The following NALF1 variants were observed in gnomAD, a reference collection of about 807,000 sequenced individuals.
NALF1 encodes the protein NALCN channel auxiliary factor 1, also known as family with sequence similarity 155 member A.
NALF1 carries 3 observed loss-of-function variants against 48.4 expected under a neutral mutation model. That is an observed-to-expected ratio of 0.06 (90% CI 0.03 to 0.16). NALF1 has a LOEUF of 0.16. Ranked by LOEUF, NALF1 falls within the 10% of genes least tolerant of loss-of-function variation. The pLI is 1.00. For synonymous variants in NALF1, 262 were observed against 245.7 expected (o/e 1.07, Z -0.62); for missense variants, 526 against 571.5 (o/e 0.92, Z 0.81).
chr13:107,533,626 C>T (rs747328998), intron 1 of NALF1, among the ~76,000 whole-genome samples: 2 of 152,152 alleles, frequency 1.3e-5, no homozygotes, highest in Non-Finnish European at 2.9e-5. Flanking sequence ...TCTTTAATAA[C>T]TGTTCAAATT....
At chr13:107,851,805 CTTTTTT>C (rs34999908) in intron 1 of NALF1, among the ~76,000 whole-genome samples, 1 of 104,700 alleles carries the variant, frequency 9.6e-6, no homozygotes, top group Non-Finnish European at 1.9e-5. Context: ...CAGGCCCTTT[CTTTTTT>C]TTTTTTTTTT....
rs147911674 is a variant in NALF1, at chr13:107,622,202, G to A, written c.915+243480C>T. 5.5e-3 allele frequency among the ~76,000 whole-genome samples: 843 copies of A among 152,112 alleles called. 9 individuals are homozygous for A. The highest frequency in any genetic ancestry group is 0.018 in the African/African-American group (761 of 41,476). ...CCAGCACTTTGGGAGGCCAAGGCGG[G>A]CAGATCATCTAAGGTCAGGAGTTCA... On this transcript the variant is annotated intron_variant, in intron 1 of 2. Transcript: ENST00000375915.
At chr13:107,555,146 T>C (rs1453363068) in intron 1 of NALF1, among the ~76,000 whole-genome samples, 1 of 152,120 alleles carries the variant, frequency 6.6e-6, no homozygotes, top group Non-Finnish European at 1.5e-5. Context: ...TTAATTATAT[T>C]GTAATTCACC....
At chr13:107,802,248 T>C (rs925497336) in intron 1 of NALF1, among the ~76,000 whole-genome samples, 3 of 152,210 alleles carry the variant, frequency 2.0e-5, no homozygotes, top group African/African-American at 7.2e-5. Context: ...TTCACATTAC[T>C]ATAAGTTAGT....
chr13:107,772,164 C>CG (rs558558070), intron 1 of NALF1, among the ~76,000 whole-genome samples: 10 of 152,098 alleles, frequency 6.6e-5, no homozygotes, highest in Middle Eastern at 3.4e-3. Context: ...TAGGGTGGAC[C>CG]CGTCCCTCCT....
chr13:107,674,005 A>G (rs1337074326), intron 1 of NALF1, among the ~76,000 whole-genome samples: 2 of 152,110 alleles, frequency 1.3e-5, no homozygotes, highest in Non-Finnish European at 1.5e-5. Context: ...TCCAAAACAC[A>G]TTTACAGTTC....
At chr13:107,409,862 T>C (rs1335966986) in intron 1 of NALF1, among the ~76,000 whole-genome samples, 1 of 152,174 alleles carries the variant, frequency 6.6e-6, no homozygotes, top group Non-Finnish European at 1.5e-5. Context: ...ACCCTTGCCC[T>C]CATCTCTTGA....
intron 1 of NALF1, among the ~76,000 whole-genome samples, chr13:107,629,918 A>G (rs1325581889): frequency 5.3e-5 from 8 of 152,152 alleles, no homozygotes. Flanking sequence ...CTTCTGAACT[A>G]GTATCTTCGC....
intron 1 of NALF1, among the ~76,000 whole-genome samples, chr13:107,223,135 T>C (rs901289658): frequency 6.6e-6 from 1 of 152,234 alleles, no homozygotes; most frequent in African/African-American, 2.4e-5. Flanking sequence ...ACTATTTCTT[T>C]GTTCTGGTTG....
intron 1 of NALF1, among the ~76,000 whole-genome samples, chr13:107,780,005 C>T (rs1041329557): frequency 2.0e-5 from 3 of 148,718 alleles, no homozygotes; most frequent in Non-Finnish European, 4.5e-5. Flanking sequence ...ACTCTTATTA[C>T]TTTGTTCTCT....
intron 1 of NALF1, among the ~76,000 whole-genome samples, chr13:107,288,266 C>CT (rs1881539965): frequency 7.2e-6 from 1 of 139,832 alleles, no homozygotes; most frequent in Non-Finnish European, 1.5e-5. Context: ...GTCGCCCAGG[C>CT]TGGAGGGCAG....
At chr13:107,297,338 ATTTTTCT>A (rs1157005695) in intron 1 of NALF1, among the ~76,000 whole-genome samples, 3 of 152,140 alleles carry the variant, frequency 2.0e-5, no homozygotes, top group African/African-American at 7.2e-5. Context: ...AAGAAACAGT[ATTTTTCT>A]CAATTTACCA....
Position 107,648,046 on chromosome 13 carries a change from T to C in NALF1, c.915+217636A>G, listed in dbSNP as rs185970649. Among the ~76,000 whole-genome samples the C allele has an allele frequency of 1.5e-3, 235 of 152,224 alleles. 2 individuals carry two copies. The highest frequency in any genetic ancestry group is 5.2e-3 in the African/African-American group (216 of 41,534). ...GTAGTATTGTTTTTTAATCAATGAG[T>C]TACATTTTACAGATTTCAGTATACA... On this transcript the variant is annotated intron_variant, in intron 1 of 2. Coordinates refer to ENST00000375915, the MANE Select transcript of NALF1 (RefSeq NM_001080396.3).
At chr13:107,328,137 T>G (rs958314143) in intron 1 of NALF1, among the ~76,000 whole-genome samples, 1 of 152,058 alleles carries the variant, frequency 6.6e-6, no homozygotes, top group African/African-American at 2.4e-5. Context: ...AGGCTGATCC[T>G]GAGCTCCTGA....
intron 1 of NALF1, among the ~76,000 whole-genome samples, chr13:107,509,921 T>A (rs1434656111): frequency 1.3e-5 from 2 of 152,016 alleles, no homozygotes; most frequent in African/African-American, 4.8e-5. Context: ...TCCTCCCACA[T>A]CAGCTCCCCA....
At chr13:107,425,359 A>C (rs143928133) in intron 1 of NALF1, among the ~76,000 whole-genome samples, 121 of 152,320 alleles carry the variant, frequency 7.9e-4, no homozygotes, top group Non-Finnish European at 1.6e-3. Flanking sequence ...AAATAGCATA[A>C]AGACAGCACA....
chr13:107,366,240 A>T (rs1052215024), intron 1 of NALF1, among the ~76,000 whole-genome samples: 1 of 152,198 alleles, frequency 6.6e-6, no homozygotes, highest in African/African-American at 2.4e-5. Flanking sequence ...GAAACTGCGT[A>T]CTATGCCATA....
intron 1 of NALF1, among the ~76,000 whole-genome samples, chr13:107,218,122 C>T (rs1291453522): frequency 6.6e-6 from 1 of 152,142 alleles, no homozygotes; most frequent in African/African-American, 2.4e-5. Flanking sequence ...CGATGTGCAG[C>T]GTGCCCTCGG....
chr13:107,814,830 C>T (rs1231976962), intron 1 of NALF1, among the ~76,000 whole-genome samples: 1 of 152,106 alleles, frequency 6.6e-6, no homozygotes, highest in Non-Finnish European at 1.5e-5. Flanking sequence ...ACCACCTAGA[C>T]TTAGCAGACA....
Sources: allele counts gnomAD v4.1 joint callset (sites outside exome capture counted in the v4.1 genomes callset), GRCh38; gene constraint gnomAD v4.1.1; transcripts MANE v1.5; gene names NCBI Gene and HGNC (gene_info 2026-07-23, HGNC 2026-07-21).